The following GABARAPL2 variants were observed in gnomAD, a reference collection of about 807,000 sequenced individuals.
GABARAPL2 encodes the protein GABA type A receptor associated protein like 2, also known as gamma-aminobutyric acid receptor-associated protein-like 2.
GABARAPL2 carries 11 observed loss-of-function variants against 16.9 expected under a neutral mutation model. The observed-to-expected ratio is 0.65, with a 90% CI of 0.41 to 1.08. GABARAPL2 has a LOEUF of 1.08. Among genes scored for constraint, GABARAPL2 ranks in the 50% least tolerant of loss-of-function variants. The pLI is 0.00. For synonymous variants in GABARAPL2, 57 were observed against 50.7 expected (o/e 1.12, Z -0.53); for missense variants, 134 against 142.5 (o/e 0.94, Z 0.30).
intron 3 of GABARAPL2, among the ~76,000 whole-genome samples, chr16:75,569,191 G>C (rs1030860830): frequency 6.6e-6 from 1 of 152,218 alleles, no homozygotes; most frequent in Non-Finnish European, 1.5e-5. Flanking sequence ...TTCTGTTAAA[G>C]GTGGAAAGCT....
Position 75,577,205 on chromosome 16 carries a change from G to C in GABARAPL2, c.264-74G>C, listed in dbSNP as rs548984368. The C allele has an allele frequency of 6.4e-4, 561 of 883,082 alleles. 1 individual carries two copies. Among genetic ancestry groups the C allele is most frequent in the Non-Finnish European group, 9.3e-4 (480 of 515,206 alleles). The allele number at this position is 883,082 out of a possible 1,614,324, so 54.7% of individuals were successfully genotyped here. A position where few individuals can be genotyped will look rare whatever the true frequency, so the allele number is the denominator to read the frequency against. On this transcript the variant is annotated intron_variant, in intron 3 of 3. Coordinates refer to ENST00000037243, the MANE Select transcript of GABARAPL2 (RefSeq NM_007285.7). The stretch of plus-strand genomic sequence containing the variant: ...ACACCTGAAGTCTTACTAAATTCCT[G>C]TCCTCAGGCCATCCTTTTTCTCCTG...
intron 2 of GABARAPL2, 59 bp from the exon 3 acceptor site, chr16:75,567,978 A>G: frequency 7.3e-7 from 1 of 1,370,384 alleles, no homozygotes; most frequent in South Asian, 1.3e-5. Flanking sequence ...CTCCTCAGCC[A>G]TGTGAGGCCA....
intron 3 of GABARAPL2, among the ~76,000 whole-genome samples, chr16:75,573,195 T>C (rs1198060998): frequency 6.6e-6 from 1 of 152,256 alleles, no homozygotes; most frequent in Non-Finnish European, 1.5e-5. Flanking sequence ...ATAGACTCTC[T>C]GCTAGCAAGG....
chr16:75,572,345 G>A (rs377528908), intron 3 of GABARAPL2: 4 of 152,298 alleles, frequency 2.6e-5, no homozygotes, highest in Admixed American at 6.5e-5. Context: ...CCAAGGTCCA[G>A]TGGAAGCGCG....
intron 3 of GABARAPL2, among the ~76,000 whole-genome samples, chr16:75,571,721 A>T (rs910721495): frequency 5.3e-5 from 8 of 149,980 alleles, no homozygotes; most frequent in Non-Finnish European, 1.0e-4. Flanking sequence ...CCCAGGCTAG[A>T]GTGCCCAGGC....
Position 75,566,516 on chromosome 16 carries a change from G to T in GABARAPL2, c.30G>T (p.Ser10=), listed in dbSNP as rs1239773257. 6.2e-6 allele frequency: 10 copies of T among 1,608,716 alleles called. No homozygotes were observed. Among genetic ancestry groups the T allele is most frequent in the Non-Finnish European group, 8.5e-6 (10 of 1,178,256 alleles). Residue 10 remains serine (S), a synonymous_variant, in exon 1 of 4, where the codon TCG becomes TCT. Coordinates refer to ENST00000037243, the MANE Select transcript of GABARAPL2 (RefSeq NM_007285.7). ...AGTGGATGTTCAAGGAGGACCACTCGCTGGGTAAGCACTTGGTCGTCGGCC... is the reference window on the plus strand; with the variant it reads ...AGTGGATGTTCAAGGAGGACCACTCTCTGGGTAAGCACTTGGTCGTCGGCC... MKWMFKEDH[S]LEHRCVESAK... is the part of the protein sequence containing the mutation.
chr16:75,575,176 C>T (rs2080940380), intron 3 of GABARAPL2, among the ~76,000 whole-genome samples: 1 of 152,210 alleles, frequency 6.6e-6, no homozygotes, highest in Non-Finnish European at 1.5e-5. Flanking sequence ...GTTCCTCCCT[C>T]TACCCACTGC....
rs374892938 is a variant in GABARAPL2 at position 75,566,526 on chromosome 16, C to G, written c.34+6C>G. 30 of 1,608,062 alleles carry G rather than the reference C, an allele frequency of 1.9e-5. No individual in the cohort carries two copies. The highest frequency in any genetic ancestry group is 1.6e-5 in the Non-Finnish European group (19 of 1,178,084). ...CAAGGAGGACCACTCGCTGGGTAAG[C>G]ACTTGGTCGTCGGCCCGGCTGCTGG... On this transcript the variant is annotated splice_donor_region_variant and intron_variant, in intron 1 of 3. Transcript: ENST00000037243.
intron 3 of GABARAPL2, 96 bp downstream of exon 3, chr16:75,568,305 G>T: frequency 1.3e-6 from 1 of 785,106 alleles, no homozygotes; most frequent in Admixed American, 2.4e-5. Flanking sequence ...ACTCTTAGGG[G>T]TCCTGACTAG....
chr16:75,569,809 T>C (rs563933394), intron 3 of GABARAPL2, among the ~76,000 whole-genome samples: 132 of 152,154 alleles, frequency 8.7e-4, no homozygotes, highest in Non-Finnish European at 1.7e-3. Context: ...AGAAATAGAA[T>C]TGGAAATGAA....
In GABARAPL2 at chr16:75,566,382, C is replaced by CGCCGCCGTCGCT. The variant is rs1555506027; in HGVS notation, c.-99_-88dup. On this transcript the variant is annotated 5_prime_UTR_variant, in exon 1 of 4. Transcript: ENST00000037243. ...CCGGAAGTCCCGCCTGCCGTGTAGT[C>CGCCGCCGTCGCT]GCCGCCGTCGCTGCCGCTGCCGCTG... 114 of 827,562 alleles carry CGCCGCCGTCGCT rather than the reference C, an allele frequency of 1.4e-4. No individual in the cohort carries two copies. In the South Asian group the frequency reaches 1.4e-3, roughly 10 times the overall value. 51.3% of individuals were successfully genotyped at this position (827,562 alleles called of 1,614,324 possible).
At chr16:75,568,274 C>T in intron 3 of GABARAPL2, 65 bp downstream of exon 3, 1 of 1,216,600 alleles carries the variant, frequency 8.2e-7, no homozygotes. Context: ...TACGGAACTC[C>T]AAAACTTTGG....
chr16:75,571,010 AAG>A (rs1171910132), intron 3 of GABARAPL2, among the ~76,000 whole-genome samples: 2 of 152,224 alleles, frequency 1.3e-5, no homozygotes, highest in Non-Finnish European at 2.9e-5. Flanking sequence ...GAACATAGAT[AAG>A]AGTCTTGTTA....
At chr16:75,566,683 G>A (rs2080885020) in intron 1 of GABARAPL2, 163 bp downstream of exon 1, 2 of 962,950 alleles carry the variant, frequency 2.1e-6, no homozygotes, top group Admixed American at 2.2e-5. Context: ...CTGACCCCAT[G>A]TCACCCTCCG....
chr16:75,566,944 C>G (rs1348371796), intron 2 of GABARAPL2, 37 bp downstream of exon 2: 3 of 1,553,616 alleles, frequency 1.9e-6, no homozygotes, highest in Non-Finnish European at 2.7e-6. Context: ...TCGCTGTCAC[C>G]TCTGTCGTCT....
At chr16:75,573,476 A>G (rs948336573) in intron 3 of GABARAPL2, among the ~76,000 whole-genome samples, 4 of 152,242 alleles carry the variant, frequency 2.6e-5, no homozygotes, top group African/African-American at 7.2e-5. Context: ...TATCCTGACT[A>G]TAAGGACACA....
chr16:75,573,675 A>C (rs895983013), intron 3 of GABARAPL2, among the ~76,000 whole-genome samples: 1 of 152,224 alleles, frequency 6.6e-6, no homozygotes, highest in Admixed American at 6.5e-5. Flanking sequence ...TGGGAGCTTG[A>C]TGTTCCGATG....
rs2080887084 is a variant in GABARAPL2, at chr16:75,566,896, G to A, written c.79G>A (p.Asp27Asn). The change falls in exon 2 of 4, where the codon GAC (aspartate) becomes AAC (asparagine). Residue 27 changes from aspartate (D) to asparagine (N), a missense_variant. Asp to Asn is a conservative substitution (Grantham distance 23, BLOSUM62 1). Coordinates refer to ENST00000037243, the MANE Select transcript of GABARAPL2 (RefSeq NM_007285.7). ...CGCGAAGATTCGAGCGAAATATCCC[G>A]ACAGGGTTCCGGTGAGTGGACTCTC... ...ESAKIRAKYP[D>N]RVPVIVEKVS... The A allele has an allele frequency of 1.2e-6, 2 of 1,613,420 alleles. No homozygotes were observed. The highest frequency in any genetic ancestry group is 8.5e-7 in the Non-Finnish European group (1 of 1,179,696).
intron 3 of GABARAPL2, among the ~76,000 whole-genome samples, chr16:75,573,551 T>C (rs1047199286): frequency 3.3e-5 from 5 of 152,252 alleles, no homozygotes; most frequent in African/African-American, 7.2e-5. Flanking sequence ...TGTTGGATTC[T>C]TAAGTTCTTA....
Sources: allele counts gnomAD v4.1 joint callset (sites outside exome capture counted in the v4.1 genomes callset), GRCh38; gene constraint gnomAD v4.1.1; transcripts MANE v1.5; gene names NCBI Gene and HGNC (gene_info 2026-07-23, HGNC 2026-07-21).